The following ANK2 variants were observed in gnomAD, a reference collection of about 807,000 sequenced individuals.
The protein encoded by ANK2 is ankyrin-2.
A neutral mutation model predicts 360.5 loss-of-function variants in ANK2; 83 were observed. That is an observed-to-expected ratio of 0.23 (90% CI 0.19 to 0.28). ANK2 has a LOEUF of 0.28. Among genes scored for constraint, ANK2 ranks in the 10% least tolerant of loss-of-function variants. The probability of loss-of-function intolerance (pLI) is 1.00; values close to 1 mark genes in which losing one functional copy is unlikely to be tolerated. For synonymous variants in ANK2, 1,740 were observed against 1,759.5 expected (o/e 0.99, Z 0.28); for missense variants, 4,201 against 4,795.7 (o/e 0.88, Z 3.66).
chr4:112,765,169 TC>T, the ANK2 span, among the ~76,000 whole-genome samples: 1 of 152,244 alleles, frequency 6.6e-6, no homozygotes, highest in Middle Eastern at 3.2e-3. Context: ...TGAACATTTT[TC>T]TATGTAACTA....
chr4:113,286,677 A>C (rs1415206301), intron 18 of ANK2, among the ~76,000 whole-genome samples: 1 of 152,178 alleles, frequency 6.6e-6, no homozygotes, highest in Non-Finnish European at 1.5e-5. Flanking sequence ...ACCTCAGTCT[A>C]TAGCTGCAGG....
chr4:113,310,173 T>C (rs2079175819), intron 23 of ANK2, among the ~76,000 whole-genome samples: 1 of 152,144 alleles, frequency 6.6e-6, no homozygotes, highest in Non-Finnish European at 1.5e-5. Flanking sequence ...TTAAGGAGTT[T>C]TGTGGATTTT....
chr4:112,936,900 A>G (rs1006935538), intron 2 of ANK2, among the ~76,000 whole-genome samples: 4 of 151,968 alleles, frequency 2.6e-5, no homozygotes, highest in Admixed American at 6.6e-5. Flanking sequence ...GTGATTCTCC[A>G]CTTCGGCCTC....
intron 1 of ANK2, among the ~76,000 whole-genome samples, chr4:113,103,537 C>T (rs1366173373): frequency 6.6e-6 from 1 of 152,090 alleles, no homozygotes; most frequent in Non-Finnish European, 1.5e-5. Flanking sequence ...AAAAGACACT[C>T]CAGTATATAT....
At chr4:113,137,246 T>C (rs900545874) in intron 1 of ANK2, among the ~76,000 whole-genome samples, 2 of 152,196 alleles carry the variant, frequency 1.3e-5, no homozygotes, top group African/African-American at 4.8e-5. Context: ...AGAGCAAAGC[T>C]AGAACCAGTA....
chr4:113,019,808 TC>T (rs1195257989), intron 2 of ANK2, among the ~76,000 whole-genome samples: 1 of 152,010 alleles, frequency 6.6e-6, no homozygotes, highest in African/African-American at 2.4e-5. Flanking sequence ...TTTATAAAGA[TC>T]CAGAATAATA....
chr4:113,234,054 C>A (rs2099351546), intron 5 of ANK2, among the ~76,000 whole-genome samples: 1 of 152,140 alleles, frequency 6.6e-6, no homozygotes, highest in Non-Finnish European at 1.5e-5. Context: ...TCCTTGAAAG[C>A]AGAATCATTT....
chr4:113,052,556 G>GCT (rs1301164677), intron 1 of ANK2, among the ~76,000 whole-genome samples: 1 of 152,178 alleles, frequency 6.6e-6, no homozygotes, highest in African/African-American at 2.4e-5. Flanking sequence ...GACCTACAAT[G>GCT]TGAGAAAACA....
At chr4:112,941,734 T>C (rs1167818864) in intron 2 of ANK2, among the ~76,000 whole-genome samples, 1 of 148,074 alleles carries the variant, frequency 6.8e-6, no homozygotes, top group African/African-American at 2.5e-5. Context: ...AATTATATGA[T>C]CTATACACAT....
intron 2 of ANK2, among the ~76,000 whole-genome samples, chr4:113,182,359 G>C (rs551829446): frequency 7.4e-4 from 112 of 152,122 alleles, no homozygotes; most frequent in African/African-American, 2.4e-3. Flanking sequence ...AATTTTCTAG[G>C]GTCCAGAAAA....
chr4:112,946,716 C>A (rs996444089), intron 2 of ANK2, among the ~76,000 whole-genome samples: 1 of 152,136 alleles, frequency 6.6e-6, no homozygotes, highest in Non-Finnish European at 1.5e-5. Flanking sequence ...AGGTACAATG[C>A]CAAGTTCTTA....
At chr4:113,198,720 T>C (rs1279043597) in intron 3 of ANK2, among the ~76,000 whole-genome samples, 1 of 152,060 alleles carries the variant, frequency 6.6e-6, no homozygotes, top group Non-Finnish European at 1.5e-5. Flanking sequence ...TCTCATGAGA[T>C]ATTGACACAT....
At chr4:112,841,573 A>G (rs72908819) in intron 1 of ANK2, among the ~76,000 whole-genome samples, 6,827 of 152,262 alleles carry the variant, frequency 0.045, 487 homozygotes, top group African/African-American at 0.15. Context: ...GTTCTCTCTT[A>G]TTCTGTAGAA....
intron 1 of ANK2, among the ~76,000 whole-genome samples, chr4:112,894,223 TA>T (rs1207464564): frequency 4.6e-5 from 7 of 152,142 alleles, no homozygotes; most frequent in Non-Finnish European, 8.8e-5. Context: ...AGGCATGTAA[TA>T]GGCCCTGTGA....
chr4:112,825,337 TA>T (rs137982278), intron 1 of ANK2, among the ~76,000 whole-genome samples: 25,266 of 149,030 alleles, frequency 0.17, 2,769 homozygotes, highest in East Asian at 0.55. Flanking sequence ...TAAAGGATAA[TA>T]AAAAAAAAAT....
Position 113,278,016 on chromosome 4 carries a change from C to G in ANK2, c.1782+81C>G, listed in dbSNP as rs939945809. The stretch of plus-strand genomic sequence containing the variant: ...ATCTGTAAAGACATTTTTCTCACTT[C>G]TCTGAAAGGAATGTGAGAGCAACTG... On this transcript the variant is annotated intron_variant, in intron 16 of 45. Coordinates refer to ENST00000357077, the MANE Select transcript of ANK2 (RefSeq NM_001148.6). 5.3e-5 allele frequency: 71 copies of G among 1,337,496 alleles called. No individual in the cohort carries two copies. The African/African-American group carries it at 8.5e-4, about 16-fold the overall frequency. 82.9% of individuals were successfully genotyped at this position (1,337,496 alleles called of 1,614,324 possible). A position where few individuals can be genotyped will look rare whatever the true frequency, so the allele number is the denominator to read the frequency against.
intron 1 of ANK2, among the ~76,000 whole-genome samples, chr4:113,167,115 A>C (rs2097777005): frequency 6.6e-6 from 1 of 152,176 alleles, no homozygotes; most frequent in Admixed American, 6.5e-5. Flanking sequence ...GCATTTAAAA[A>C]TTGCCTCCAG....
intron 23 of ANK2, among the ~76,000 whole-genome samples, chr4:113,308,840 T>A (rs1169383886): frequency 6.6e-6 from 1 of 152,016 alleles, no homozygotes; most frequent in Non-Finnish European, 1.5e-5. Context: ...GGAGAGAAGG[T>A]TGAAGATGAA....
the ANK2 span, among the ~76,000 whole-genome samples, chr4:112,764,238 C>T: frequency 1.2e-4 from 18 of 152,182 alleles, no homozygotes; most frequent in South Asian, 3.7e-3. Flanking sequence ...CCACTGCGCC[C>T]GGCCCCCTCT....
Sources: gnomAD v4.1 joint callset for allele counts (sites outside exome capture counted in the v4.1 genomes callset) on GRCh38, gnomAD v4.1.1 for gene constraint, MANE v1.5 for transcripts, NCBI Gene and HGNC (gene_info 2026-07-23, HGNC 2026-07-21) for gene names.